The following ZNF516 variants were observed in gnomAD, a reference collection of about 807,000 sequenced individuals.
The protein encoded by ZNF516 is zinc finger protein 516.
ZNF516 carries 19 observed loss-of-function variants against 79.7 expected under a neutral mutation model. That is an observed-to-expected ratio of 0.24 (90% CI 0.17 to 0.35). ZNF516 has a LOEUF of 0.35. Among genes scored for constraint, ZNF516 ranks in the 10% least tolerant of loss-of-function variants. The pLI is 1.00. For synonymous variants in ZNF516, 877 were observed against 739.5 expected, an observed-to-expected ratio of 1.19 and a Z score of -3.02; for missense variants, 1,678 against 1,679.5, an observed-to-expected ratio of 1.00 and a Z score of 0.02.
intron 3 of ZNF516, among the ~76,000 whole-genome samples, chr18:76,390,802 A>G (rs2075061099): frequency 6.6e-6 from 1 of 152,204 alleles, no homozygotes; most frequent in Non-Finnish European, 1.5e-5. Context: ...TTCCGGGTTC[A>G]CTGGGTGCCT....
intron 3 of ZNF516, among the ~76,000 whole-genome samples, chr18:76,412,867 G>A (rs900958747): frequency 2.0e-5 from 3 of 152,134 alleles, no homozygotes; most frequent in African/African-American, 7.2e-5. Flanking sequence ...AATGTCCCGG[G>A]ACACCGGGCT....
At chr18:76,484,684 CA>C (rs1914728441) in intron 1 of ZNF516, among the ~76,000 whole-genome samples, 1 of 152,140 alleles carries the variant, frequency 6.6e-6, no homozygotes, top group Admixed American at 6.5e-5. Flanking sequence ...CACAGCTAAG[CA>C]AAAAACCTGG....
chr18:76,414,427 A>G (rs1568272049), intron 3 of ZNF516, among the ~76,000 whole-genome samples: 1 of 152,260 alleles, frequency 6.6e-6, no homozygotes, highest in Non-Finnish European at 1.5e-5. Context: ...AGCTGATCAC[A>G]GAACAAATGC....
chr18:76,459,706 C>T lies in ZNF516; in HGVS notation c.-158+3322G>A, dbSNP rs540703997. On this transcript the variant is annotated intron_variant, in intron 2 of 6. Transcript: ENST00000443185. This position sits in a 1 kb window ranked among gnomAD's most constrained non-coding sequence, Gnocchi z 5.0. ...GGAAGTGGCAGGGCAGGAGGTAGAACCGGAAGCCTCACGCTACACCAGGCA... is the reference window on the plus strand; with the variant it reads ...GGAAGTGGCAGGGCAGGAGGTAGAATCGGAAGCCTCACGCTACACCAGGCA... 6.6e-6 allele frequency among the ~76,000 whole-genome samples: 1 copy of T among 152,236 alleles called. No homozygotes were observed. The highest frequency in any genetic ancestry group is 2.1e-4 in the South Asian group (1 of 4,824).
At position 76,359,594 on chromosome 18, in the gene ZNF516, G is replaced by A. The variant is rs1464041678; in HGVS notation, c.*2904C>T. 2 of 152,264 alleles carry A rather than the reference G, an allele frequency of 1.3e-5. No individual in the cohort carries two copies. The highest frequency in any genetic ancestry group is 2.9e-5 in the Non-Finnish European group (2 of 68,094). 9.4% of individuals were successfully genotyped at this position (152,264 alleles called of 1,614,324 possible). A position where few individuals can be genotyped will look rare whatever the true frequency, so the allele number is the denominator to read the frequency against. On this transcript the variant is annotated 3_prime_UTR_variant, in exon 7 of 7. Coordinates refer to ENST00000443185, the MANE Select transcript of ZNF516 (RefSeq NM_014643.4). ...AGAGTATAGGAAGGCAGGCCAGGGTGCAGCCAGGCCCCAGCAGGGGCAGAG... is the reference window on the plus strand; with the variant it reads ...AGAGTATAGGAAGGCAGGCCAGGGTACAGCCAGGCCCCAGCAGGGGCAGAG...
chr18:76,376,633 C>T (rs1180392261), intron 4 of ZNF516, among the ~76,000 whole-genome samples: 2 of 151,922 alleles, frequency 1.3e-5, no homozygotes, highest in African/African-American at 4.8e-5. Flanking sequence ...ATTCTATCAT[C>T]TAAAATTTCA....
intron 2 of ZNF516, among the ~76,000 whole-genome samples, chr18:76,447,875 CTGTATGTGAG>C (rs1912152605): frequency 6.6e-6 from 1 of 152,006 alleles, no homozygotes; most frequent in East Asian, 1.9e-4. Flanking sequence ...GGATCTCTTG[CTGTATGTGAG>C]TGTGTGTGAG....
At chr18:76,495,846 C>A, upstream of ZNF516, 2 of 751,926 alleles carry the variant, frequency 2.7e-6, no homozygotes, top group Non-Finnish European at 3.5e-6. Context: ...TGGTAAATGC[C>A]TCTGGGGGTG....
At chr18:76,486,016 CTT>C (rs1914813064) in intron 1 of ZNF516, among the ~76,000 whole-genome samples, 1 of 152,134 alleles carries the variant, frequency 6.6e-6, no homozygotes, top group Non-Finnish European at 1.5e-5. Flanking sequence ...CTGCCCAACT[CTT>C]AGCCTTATTT....
intron 1 of ZNF516, among the ~76,000 whole-genome samples, chr18:76,491,285 G>T (rs1199176004): frequency 6.3e-5 from 1 of 15,872 alleles, no homozygotes; most frequent in Non-Finnish European, 1.3e-4. Flanking sequence ...CCCGGCCCCG[G>T]CCCCGGCCCC....
At chr18:76,469,671 A>G (rs596861) in intron 1 of ZNF516, among the ~76,000 whole-genome samples, 28,498 of 152,140 alleles carry the variant, frequency 0.19, 2,836 homozygotes, top group South Asian at 0.29. Context: ...TCAAAACTTC[A>G]TTTTCTATTT....
intron 3 of ZNF516, among the ~76,000 whole-genome samples, chr18:76,439,296 G>A (rs1193877514): frequency 6.6e-6 from 1 of 152,184 alleles, no homozygotes. Context: ...GGTGTTTTTA[G>A]ATAGAAAGAT....
rs185262804 is a variant in ZNF516, at chr18:76,482,983, G to A, written c.-272+12161C>T. ...TATAGGTTCGGGTAAATAATGAAGA[G>A]TACTCAGTACTATCTTCTTAAGAAA... is the stretch of plus-strand genomic sequence containing the variant. On this transcript the variant is annotated intron_variant, in intron 1 of 6. Coordinates refer to ENST00000443185, the MANE Select transcript of ZNF516 (RefSeq NM_014643.4). Among the ~76,000 whole-genome samples, 23 of 152,266 alleles carry A rather than the reference G, an allele frequency of 1.5e-4. No homozygotes were observed. In the East Asian group the frequency reaches 4.0e-3, roughly 27 times the overall value.
intron 3 of ZNF516, among the ~76,000 whole-genome samples, chr18:76,422,216 G>A (rs1291405502): frequency 6.6e-6 from 1 of 152,132 alleles, no homozygotes; most frequent in Non-Finnish European, 1.5e-5. Flanking sequence ...ACTGTTCCTG[G>A]AAAGGGCCCT....
chr18:76,447,072 G>GA (rs1912094923), intron 2 of ZNF516, among the ~76,000 whole-genome samples: 2 of 152,136 alleles, frequency 1.3e-5, no homozygotes, highest in South Asian at 4.1e-4. Context: ...TCCCTGCAAC[G>GA]AACTCTCCTA....
Position 76,467,186 on chromosome 18 carries a change from T to A in ZNF516, c.-271-4045A>T, listed in dbSNP as rs1364360322. On this transcript the variant is annotated intron_variant, in intron 1 of 6. Coordinates refer to ENST00000443185, the MANE Select transcript of ZNF516 (RefSeq NM_014643.4). The surrounding 1 kb of genome is among the most constrained non-coding windows in gnomAD (Gnocchi z 4.2). ...CTGGGTTGGCAGGAAGTCCTGCGTGTCTCTCGGAACCTGCAGCTCACAGCC... is the reference window on the plus strand; with the variant it reads ...CTGGGTTGGCAGGAAGTCCTGCGTGACTCTCGGAACCTGCAGCTCACAGCC... Among the ~76,000 whole-genome samples the A allele has an allele frequency of 2.0e-5, 2 of 100,048 alleles. No individual in the cohort carries two copies. The highest frequency in any genetic ancestry group is 8.3e-5 in the African/African-American group (2 of 24,046). The allele number at this position is 100,048 out of a possible 152,430, so 65.6% of individuals were successfully genotyped here. A position where few individuals can be genotyped will look rare whatever the true frequency, so the allele number is the denominator to read the frequency against.
intron 3 of ZNF516, among the ~76,000 whole-genome samples, chr18:76,405,814 C>T (rs929764159): frequency 1.3e-5 from 2 of 152,084 alleles, no homozygotes; most frequent in African/African-American, 2.4e-5. Flanking sequence ...GCTGCCCCTC[C>T]CCATACTTCA....
At chr18:76,368,792 A>G (rs548107534) in intron 6 of ZNF516, among the ~76,000 whole-genome samples, 1 of 152,294 alleles carries the variant, frequency 6.6e-6, no homozygotes, top group African/African-American at 2.4e-5. Context: ...CTGGGGCATA[A>G]CCAATAAGTA....
At chr18:76,384,457 C>T (rs1409670931) in intron 3 of ZNF516, among the ~76,000 whole-genome samples, 1 of 133,156 alleles carries the variant, frequency 7.5e-6, no homozygotes. Flanking sequence ...ACGCCCCCCA[C>T]GCCCCCACCA....
Sources: allele counts gnomAD v4.1 joint callset (sites outside exome capture counted in the v4.1 genomes callset), GRCh38; gene constraint gnomAD v4.1.1; non-coding constraint Gnocchi (gnomAD v3.1); transcripts MANE v1.5; gene names NCBI Gene and HGNC (gene_info 2026-07-23, HGNC 2026-07-21).